Variants in TTLL5 observed in about 807,000 individuals in gnomAD.
The protein encoded by TTLL5 is tubulin polyglutamylase TTLL5.
In TTLL5, 132 loss-of-function variants were observed where a neutral mutation model predicts 168.4. The ratio of observed to expected loss-of-function variants is 0.78; its 90% confidence interval spans 0.68 to 0.91. The LOEUF (loss-of-function observed/expected upper bound fraction) is 0.91. Among genes scored for constraint, TTLL5 ranks in the 40% least tolerant of loss-of-function variants. TTLL5 has a pLI of 0.00. For missense variants in TTLL5, 1,545 were observed against 1,581.5 expected (o/e 0.98, Z 0.39); for synonymous variants, 546 against 558.6 (o/e 0.98, Z 0.32).
intron 29 of TTLL5, among the ~76,000 whole-genome samples, chr14:75,872,927 A>AG (rs1555353051): frequency 1.3e-5 from 2 of 150,934 alleles, no homozygotes; most frequent in East Asian, 2.0e-4. Flanking sequence ...AAAAAAAAAA[A>AG]GTCAAAAGTT....
intron 3 of TTLL5, among the ~76,000 whole-genome samples, chr14:75,679,153 G>T (rs1157711012): frequency 3.3e-5 from 5 of 152,226 alleles, no homozygotes; most frequent in Non-Finnish European, 7.3e-5. Context: ...TTAAGGTTTA[G>T]ATGGAATTAA....
At chr14:75,903,601 A>G (rs2033018091) in intron 31 of TTLL5, among the ~76,000 whole-genome samples, 1 of 152,060 alleles carries the variant, frequency 6.6e-6, no homozygotes, top group Admixed American at 6.5e-5. Context: ...TAAAATGATT[A>G]CAAGATCTCT....
In TTLL5 at chr14:75,906,586, C is replaced by T. The variant is rs2033156527; in HGVS notation, c.3823+4362C>T. The T allele has an allele frequency of 8.1e-6, 8 of 985,868 alleles. No individual in the cohort carries two copies. The South Asian group carries it at 2.8e-4, about 35-fold the overall frequency. The allele number at this position is 985,868 out of a possible 1,614,324, so 61.1% of individuals were successfully genotyped here. ...TGGATACTCCCCAAGTTATTTTCGC[C>T]ACATCCAAACCCTTGCCCACACAAT... On this transcript the variant is annotated intron_variant, in intron 31 of 31. Transcript: ENST00000298832.
rs184325926 is a variant in TTLL5 at position 75,952,486 on chromosome 14, A to G, written c.3824-1938A>G. 1.8e-4 allele frequency among the ~76,000 whole-genome samples: 28 copies of G among 152,352 alleles called. No individual in the cohort carries two copies. The East Asian group carries it at 4.2e-3, about 23-fold the overall frequency. Reference sequence around the variant, plus strand: ...TAAACAGTTTACGTGAAGAGTTGCCATATGACCCAGCAATTAATTCCACTT... The same window carrying G: ...TAAACAGTTTACGTGAAGAGTTGCCGTATGACCCAGCAATTAATTCCACTT... On this transcript the variant is annotated intron_variant, in intron 31 of 31. Transcript: ENST00000298832.
intron 14 of TTLL5, among the ~76,000 whole-genome samples, chr14:75,734,402 C>A (rs958990515): frequency 1.3e-5 from 2 of 152,208 alleles, no homozygotes; most frequent in Non-Finnish European, 2.9e-5. Flanking sequence ...TAGACAGTCT[C>A]TACTGGTCTC....
intron 28 of TTLL5, among the ~76,000 whole-genome samples, chr14:75,834,579 C>G (rs1414806955): frequency 2.0e-5 from 3 of 152,174 alleles, no homozygotes; most frequent in Non-Finnish European, 4.4e-5. Flanking sequence ...TTACTCCCTG[C>G]CATCCCAGGC....
intron 26 of TTLL5, among the ~76,000 whole-genome samples, chr14:75,790,477 T>C (rs574261327): frequency 6.6e-6 from 1 of 151,800 alleles, no homozygotes; most frequent in African/African-American, 2.4e-5. Context: ...TTTTTCTTTT[T>C]TTTTTTTAAT....
chr14:75,828,488 TATATC>T (rs1215366938), intron 28 of TTLL5, among the ~76,000 whole-genome samples: 1 of 152,212 alleles, frequency 6.6e-6, no homozygotes, highest in Non-Finnish European at 1.5e-5. Context: ...CCATAATACA[TATATC>T]ATATACCATA....
chr14:75,784,898 T>A (rs922901759), intron 26 of TTLL5, among the ~76,000 whole-genome samples: 10 of 152,212 alleles, frequency 6.6e-5, no homozygotes, highest in Non-Finnish European at 1.3e-4. Flanking sequence ...TTTGGAGGAA[T>A]GTCTATTTAA....
In TTLL5 at chr14:75,808,436, A is replaced by T. The variant is rs549185308; in HGVS notation, c.3172-11571A>T. ...ATCCAGGAATTGAAGAAGGAATTGAATTGTGGCTAGTGATTTAATAAATGC... is the reference window on the plus strand; with the variant it reads ...ATCCAGGAATTGAAGAAGGAATTGATTTGTGGCTAGTGATTTAATAAATGC... On this transcript the variant is annotated intron_variant, in intron 27 of 31. Coordinates refer to ENST00000298832, the MANE Select transcript of TTLL5 (RefSeq NM_015072.5). 2.4e-4 allele frequency among the ~76,000 whole-genome samples: 36 copies of T among 152,330 alleles called. No homozygotes were observed. The South Asian group carries it at 7.0e-3, about 30-fold the overall frequency.
intron 31 of TTLL5, among the ~76,000 whole-genome samples, chr14:75,912,014 G>A (rs945651452): frequency 3.7e-4 from 57 of 152,298 alleles, no homozygotes; most frequent in Non-Finnish European, 5.6e-4. Flanking sequence ...AACCTGCAGC[G>A]TTGCTGAGAG....
In TTLL5 at chr14:75,669,452, G is replaced by A; in HGVS notation, c.111G>A (p.Arg37=). ...GCATCATGTGGACTGGAGGCTGCAG[G>A]AGAATTCCAGTTTTGGTATTCCATG... ...HPCIMWTGGC[R]RIPVLVFHAD... Residue 37 remains arginine, a synonymous_variant, in exon 3 of 32, where the codon AGG becomes AGA. Coordinates refer to ENST00000298832, the MANE Select transcript of TTLL5 (RefSeq NM_015072.5). 2 of 1,614,112 alleles carry A rather than the reference G, an allele frequency of 1.2e-6. No homozygotes were observed. The highest frequency in any genetic ancestry group is 1.6e-4 in the Middle Eastern group (1 of 6,062).
At chr14:75,824,157 GC>G (rs1375673061) in intron 28 of TTLL5, among the ~76,000 whole-genome samples, 1 of 152,110 alleles carries the variant, frequency 6.6e-6, no homozygotes, top group African/African-American at 2.4e-5. Flanking sequence ...CTGGGGAGGA[GC>G]AGTAAATAAA....
intron 27 of TTLL5, chr14:75,803,253 G>C (rs1893436314): frequency 6.6e-6 from 1 of 152,182 alleles, no homozygotes; most frequent in Admixed American, 6.5e-5. Context: ...ACTAGCTAAA[G>C]GTAAAGAAGC....
At chr14:75,704,425 A>G (rs116700734) in intron 7 of TTLL5, among the ~76,000 whole-genome samples, 2,391 of 152,068 alleles carry the variant, frequency 0.016, 79 homozygotes, top group African/African-American at 0.054. Flanking sequence ...TGTAATCCCA[A>G]CTACTGGGGA....
At chr14:75,905,062 C>T (rs921325167) in intron 31 of TTLL5, among the ~76,000 whole-genome samples, 5 of 152,036 alleles carry the variant, frequency 3.3e-5, no homozygotes, top group Non-Finnish European at 7.4e-5. Flanking sequence ...GAAGGATATC[C>T]TACAAAAAGG....
chr14:75,674,808 A>G (rs1310235607), intron 3 of TTLL5, among the ~76,000 whole-genome samples: 1 of 152,154 alleles, frequency 6.6e-6, no homozygotes, highest in Non-Finnish European at 1.5e-5. Context: ...TCTAGTAGGA[A>G]ATTATTTTTA....
At chr14:75,801,432 C>G (rs1370015418) in intron 27 of TTLL5, among the ~76,000 whole-genome samples, 1 of 152,110 alleles carries the variant, frequency 6.6e-6, no homozygotes, top group African/African-American at 2.4e-5. Flanking sequence ...TAAAGGTGTC[C>G]ATCACCTCAA....
At chr14:75,800,001 G>A (rs1225387707) in intron 27 of TTLL5, among the ~76,000 whole-genome samples, 1 of 152,150 alleles carries the variant, frequency 6.6e-6, no homozygotes, top group Non-Finnish European at 1.5e-5. Context: ...CTCCTGTTTG[G>A]ATGTCTCGAT....
Sources: allele counts gnomAD v4.1 joint callset (sites outside exome capture counted in the v4.1 genomes callset), GRCh38; gene constraint gnomAD v4.1.1; transcripts MANE v1.5; gene names NCBI Gene and HGNC (gene_info 2026-07-23, HGNC 2026-07-21).